CNDP1: variants seen among roughly 807,000 people sequenced by gnomAD.
CNDP1 encodes the protein carnosine dipeptidase 1.
CNDP1 carries 44 observed loss-of-function variants against 58.1 expected under a neutral mutation model. That is an observed-to-expected ratio of 0.76 (90% CI 0.60 to 0.97). The LOEUF (loss-of-function observed/expected upper bound fraction) is 0.97, where lower values mean the gene tolerates loss of function less well. CNDP1 is among the 50% of genes least tolerant of loss of function. The pLI is 0.00. For missense variants in CNDP1, 616 were observed against 655.1 expected (o/e 0.94, Z 0.65); for synonymous variants, 254 against 252.6 (o/e 1.01, Z -0.05).
Position 74,559,362 on chromosome 18 carries a change from C to T in CNDP1, c.193C>T (p.Gln65Ter), listed in dbSNP as rs201052038. 3.7e-6 allele frequency: 6 copies of T among 1,614,058 alleles called. No homozygotes were observed. Among genetic ancestry groups the T allele is most frequent in the African/African-American group, 2.7e-5 (2 of 75,048 alleles). The change falls in exon 3 of 12, where the codon CAG becomes TAG. Residue 65 changes from glutamine (Q) to a stop codon, truncating the protein, a stop_gained. Coordinates refer to ENST00000358821, the MANE Select transcript of CNDP1 (RefSeq NM_032649.6). LOFTEE classifies it high-confidence loss of function. ...EWVAIESDSV[Q>*]PVPRFRQELF... Reference sequence around the variant, plus strand: ...GGTGGCCATCGAGAGCGACTCTGTCCAGCCTGTGCCTCGCTTCAGACAAGA... The same window carrying T: ...GGTGGCCATCGAGAGCGACTCTGTCTAGCCTGTGCCTCGCTTCAGACAAGA...
At chr18:74,583,937 T>C in intron 11 of CNDP1, 1 of 529,090 alleles carries the variant, frequency 1.9e-6, no homozygotes, top group Non-Finnish European at 3.4e-6. Flanking sequence ...TGGCCGTCCC[T>C]GCGATGGTGG....
chr18:74,571,686 G>C (rs1981483514), intron 7 of CNDP1, among the ~76,000 whole-genome samples: 1 of 152,184 alleles, frequency 6.6e-6, no homozygotes, highest in African/African-American at 2.4e-5. Context: ...TTTGACTGAA[G>C]ATAAATCAAC....
At chr18:74,563,725 C>T (rs1433022479) in intron 5 of CNDP1, among the ~76,000 whole-genome samples, 1 of 152,190 alleles carries the variant, frequency 6.6e-6, no homozygotes, top group East Asian at 1.9e-4. Context: ...TCTTAGGACA[C>T]ATTCCCTCCC....
intron 1 of CNDP1, 84 bp downstream of exon 1, chr18:74,534,775 T>G: frequency 6.5e-7 from 1 of 1,543,940 alleles, no homozygotes; most frequent in Non-Finnish European, 8.9e-7. Context: ...TAAGCCCAGT[T>G]GGGCAGGGCA....
rs1981213673 is a variant in CNDP1 at position 74,562,045 on chromosome 18, A to G, written c.467-2A>G. ...CTGAACATTCTTCTCCCCTTTTTAAAGGGAAACTTTATGGACGAGGAGCGA... is the reference window on the plus strand; with the variant it reads ...CTGAACATTCTTCTCCCCTTTTTAAGGGGAAACTTTATGGACGAGGAGCGA... On this transcript the variant is annotated splice_acceptor_variant, in intron 4 of 11. Coordinates refer to ENST00000358821, the MANE Select transcript of CNDP1 (RefSeq NM_032649.6). LOFTEE classifies it high-confidence loss of function. The G allele has an allele frequency of 6.2e-7, 1 of 1,613,836 alleles. No individual in the cohort carries two copies. Among genetic ancestry groups the G allele is most frequent in the Non-Finnish European group, 8.5e-7 (1 of 1,179,772 alleles).
At chr18:74,577,177 C>T (rs1568300276) in intron 8 of CNDP1, 148 bp downstream of exon 8, 18 of 687,104 alleles carry the variant, frequency 2.6e-5, no homozygotes, top group Non-Finnish European at 2.2e-6. Context: ...TTGACATTCA[C>T]AGCCACTTCC....
intron 10 of CNDP1, among the ~76,000 whole-genome samples, chr18:74,580,854 A>G (rs957147117): frequency 2.0e-5 from 3 of 152,224 alleles, no homozygotes; most frequent in Non-Finnish European, 4.4e-5. Flanking sequence ...CTGTAGTGCC[A>G]GCTACTCAGG....
intron 1 of CNDP1, among the ~76,000 whole-genome samples, chr18:74,539,744 C>T (rs913401642): frequency 5.9e-5 from 9 of 152,158 alleles, no homozygotes; most frequent in Non-Finnish European, 8.8e-5. Flanking sequence ...CCTGCTCTCT[C>T]GTTTTAATGG....
chr18:74,573,086 CATCTATTATCTATCCATCTATCT>C (rs1981528010), intron 7 of CNDP1, among the ~76,000 whole-genome samples: 1 of 152,078 alleles, frequency 6.6e-6, no homozygotes, highest in Non-Finnish European at 1.5e-5. Context: ...TCCATCTATC[CATCTATTATCTATCCATCTATCT>C]TTCTATTCAT....
chr18:74,546,796 C>T lies in CNDP1; in HGVS notation c.25-9542C>T, dbSNP rs547926004. ...AGGAGCAGCTCTGTTAGGATCCTAG[C>T]GAACTGGGTAAACTTTGTTAGTATT... On this transcript the variant is annotated intron_variant, in intron 1 of 11. Transcript: ENST00000358821. 3.7e-3 allele frequency among the ~76,000 whole-genome samples: 558 copies of T among 152,308 alleles called. 4 individuals carry two copies. Among genetic ancestry groups the T allele is most frequent in the African/African-American group, 0.013 (541 of 41,560 alleles).
intron 1 of CNDP1, among the ~76,000 whole-genome samples, chr18:74,541,165 C>T (rs1980614212): frequency 6.6e-6 from 1 of 152,210 alleles, no homozygotes; most frequent in African/African-American, 2.4e-5. Context: ...CCATCACCCG[C>T]TGGGGGCTCA....
At position 74,557,301 on chromosome 18, in the gene CNDP1, G is replaced by A. The variant is rs189101592; in HGVS notation, c.153+835G>A. 2.0e-4 allele frequency among the ~76,000 whole-genome samples: 31 copies of A among 151,890 alleles called. No individual in the cohort carries two copies. In the East Asian group the frequency reaches 4.7e-3, roughly 23 times the overall value. On this transcript the variant is annotated intron_variant, in intron 2 of 11. Coordinates refer to ENST00000358821, the MANE Select transcript of CNDP1 (RefSeq NM_032649.6). ...CAGTGGCACAAACACAGCTCACTGC[G>A]GCCTCGACCTCCTGGGTTCAAGTGA... is the stretch of plus-strand genomic sequence containing the variant.
chr18:74,535,627 G>C (rs1473458839), intron 1 of CNDP1, among the ~76,000 whole-genome samples: 1 of 142,542 alleles, frequency 7.0e-6, no homozygotes, highest in Non-Finnish European at 1.5e-5. Context: ...GCATTGGGGT[G>C]GGGGTTAGAA....
chr18:74,566,279 G>T (rs1176701258), intron 5 of CNDP1, among the ~76,000 whole-genome samples: 1 of 152,240 alleles, frequency 6.6e-6, no homozygotes, highest in African/African-American at 2.4e-5. Flanking sequence ...TTTCCCAGTG[G>T]TCTTGGGGAT....
intron 1 of CNDP1, among the ~76,000 whole-genome samples, chr18:74,537,660 C>T (rs543991820): frequency 1.3e-5 from 2 of 152,284 alleles, no homozygotes; most frequent in South Asian, 2.1e-4. Context: ...TGTGGGCACT[C>T]ACCCTTTGGA....
At chr18:74,547,477 A>G (rs1980791400) in intron 1 of CNDP1, among the ~76,000 whole-genome samples, 1 of 152,218 alleles carries the variant, frequency 6.6e-6, no homozygotes, top group Non-Finnish European at 1.5e-5. Context: ...AAAATAAACA[A>G]AAACAACCAG....
intron 7 of CNDP1, among the ~76,000 whole-genome samples, chr18:74,574,133 A>G (rs1981569499): frequency 1.3e-5 from 2 of 152,176 alleles, no homozygotes; most frequent in Admixed American, 6.5e-5. Context: ...GCAGGCATAC[A>G]CACTAGTCAG....
Position 74,545,949 on chromosome 18 carries a change from T to C in CNDP1, c.25-10389T>C, listed in dbSNP as rs561789128. ...CCTCAAAACCGAGAGCCATGCCCTG[T>C]TTCCCCATTGGAAACACGCTTTTGC... is the stretch of plus-strand genomic sequence containing the variant. On this transcript the variant is annotated intron_variant, in intron 1 of 11. Transcript: ENST00000358821. The surrounding 1 kb of genome is among the most constrained non-coding windows in gnomAD (Gnocchi z 4.1). Among the ~76,000 whole-genome samples, 5 of 152,274 alleles carry C rather than the reference T, an allele frequency of 3.3e-5. No homozygotes were observed. The South Asian group carries it at 1.0e-3, about 32-fold the overall frequency.
intron 7 of CNDP1, 188 bp from the exon 8 acceptor site, chr18:74,576,681 G>A (rs1981644680): frequency 2.0e-6 from 1 of 489,074 alleles, no homozygotes; most frequent in Non-Finnish European, 3.6e-6. Flanking sequence ...GCGTGATCCT[G>A]GTGACCAACT....
Sources: gnomAD v4.1 joint callset for allele counts (sites outside exome capture counted in the v4.1 genomes callset) on GRCh38, gnomAD v4.1.1 for gene constraint, Gnocchi (gnomAD v3.1) non-coding constraint, MANE v1.5 for transcripts, NCBI Gene and HGNC (gene_info 2026-07-23, HGNC 2026-07-21) for gene names.